ADAMTS6: variants seen among roughly 807,000 people sequenced by gnomAD.
The protein encoded by ADAMTS6 is A disintegrin and metalloproteinase with thrombospondin motifs 6.
A neutral mutation model predicts 144.3 loss-of-function variants in ADAMTS6; 23 were observed. That is an observed-to-expected ratio of 0.16 (90% confidence interval 0.11 to 0.23). ADAMTS6 has a LOEUF of 0.23. Among genes scored for constraint, ADAMTS6 ranks in the 10% least tolerant of loss-of-function variants. The pLI is 1.00. For missense variants in ADAMTS6, 999 were observed against 1,379.6 expected (o/e 0.72, Z 4.37); for synonymous variants, 444 against 457.5 (o/e 0.97, Z 0.38).
intron 3 of ADAMTS6, among the ~76,000 whole-genome samples, chr5:65,463,004 T>A (rs1481861824): frequency 6.7e-6 from 1 of 150,078 alleles, no homozygotes; most frequent in Non-Finnish European, 1.5e-5. Context: ...CACTCGAACC[T>A]GGGAGGCGGA....
chr5:65,432,576 G>A (rs754609949), intron 7 of ADAMTS6, among the ~76,000 whole-genome samples: 22 of 151,746 alleles, frequency 1.4e-4, no homozygotes, highest in Admixed American at 2.6e-4. Flanking sequence ...AACATTTTTC[G>A]AATCTGATCA....
intron 7 of ADAMTS6, among the ~76,000 whole-genome samples, chr5:65,400,276 C>T (rs1753806436): frequency 6.6e-6 from 1 of 152,138 alleles, no homozygotes. Flanking sequence ...GATCATAGCT[C>T]ACTGCAGCCT....
chr5:65,398,728 A>G (rs984571676), intron 7 of ADAMTS6, among the ~76,000 whole-genome samples: 11 of 149,660 alleles, frequency 7.3e-5, no homozygotes, highest in African/African-American at 2.8e-4. Flanking sequence ...AGAAAGAGAG[A>G]GAGAGAGAAA....
Position 65,197,105 on chromosome 5 carries a change from G to A in ADAMTS6, c.2622C>T (p.Ser874=), listed in dbSNP as rs1319096371. 2.5e-6 allele frequency: 4 copies of A among 1,613,894 alleles called. No homozygotes were observed. In the South Asian group the frequency reaches 3.3e-5, roughly 13 times the overall value. ...EVVCKRLDDN[S]IVQNNYCDPD... ...GATCACAGTAATTGTTCTGGACAAT[G>A]GAGTTGTCATCCAACCTTTTACAGA... Residue 874 remains serine, a synonymous_variant, in exon 21 of 25, where the codon TCC becomes TCT. Coordinates refer to ENST00000381055, the MANE Select transcript of ADAMTS6 (RefSeq NM_197941.4).
rs952487783 is a variant in ADAMTS6 at position 65,255,748 on chromosome 5, TA to T, written c.1830+4851del. On this transcript the variant is annotated intron_variant, in intron 14 of 24. Transcript: ENST00000381055. ...AGTTCTTTGCTAATTTTTAAATGAT[TA>T]AAAAAAAAATCTTACTGAGCAATTA... Among the ~76,000 whole-genome samples, 889 of 150,216 alleles carry T rather than the reference TA, an allele frequency of 5.9e-3. 10 individuals carry two copies. The highest frequency in any genetic ancestry group is 0.019 in the African/African-American group (796 of 41,034).
chr5:65,199,585 C>T (rs74448621), intron 20 of ADAMTS6, among the ~76,000 whole-genome samples: 4,816 of 152,202 alleles, frequency 0.032, 287 homozygotes, highest in African/African-American at 0.11. Flanking sequence ...AAAACTGACC[C>T]ATAGTCCAAT....
In ADAMTS6 at chr5:65,302,105, A is replaced by AT. The variant is rs1263220399; in HGVS notation, c.1224-1975_1224-1974insA. 3.7e-3 allele frequency among the ~76,000 whole-genome samples: 184 copies of AT among 49,656 alleles called. 1 individual carries two copies. The highest frequency in any genetic ancestry group is 0.012 in the African/African-American group (177 of 14,438). The allele number at this position is 49,656 out of a possible 152,430, so 32.6% of individuals were successfully genotyped here. ...AGGCTCTGTCTCCAAAAAAAAAAAA[A>AT]AAATATATATATATATATATATATG... On this transcript the variant is annotated intron_variant, in intron 9 of 24. Coordinates refer to ENST00000381055, the MANE Select transcript of ADAMTS6 (RefSeq NM_197941.4).
intron 16 of ADAMTS6, 86 bp downstream of exon 16, chr5:65,226,000 A>T: frequency 7.3e-7 from 1 of 1,369,972 alleles, no homozygotes; most frequent in Non-Finnish European, 9.6e-7. Context: ...TTTTTTAAAA[A>T]ATTAAACATA....
intron 4 of ADAMTS6, among the ~76,000 whole-genome samples, chr5:65,457,846 C>T: frequency 6.7e-6 from 1 of 149,838 alleles, no homozygotes. Flanking sequence ...CCTGCCTCAG[C>T]CTCCCGAGTA....
In ADAMTS6 at chr5:65,149,426, C is replaced by G. The variant is rs1285625995; in HGVS notation, c.*2410G>C. 1.3e-5 allele frequency: 2 copies of G among 152,216 alleles called. No homozygotes were observed. The highest frequency in any genetic ancestry group is 4.8e-5 in the African/African-American group (2 of 41,436). 9.4% of individuals were successfully genotyped at this position (152,216 alleles called of 1,614,324 possible). On this transcript the variant is annotated 3_prime_UTR_variant, in exon 25 of 25. Transcript: ENST00000381055. ...CTGTTTCATCCTGTTACATTCTGTGCGTGGCTCCCTCTAGAAAGGCACTCT... is the reference window on the plus strand; with the variant it reads ...CTGTTTCATCCTGTTACATTCTGTGGGTGGCTCCCTCTAGAAAGGCACTCT...
At chr5:65,245,076 C>T (rs1033792510) in intron 14 of ADAMTS6, among the ~76,000 whole-genome samples, 3 of 152,082 alleles carry the variant, frequency 2.0e-5, no homozygotes, top group South Asian at 2.1e-4. Context: ...GGGTAATACT[C>T]GTATTTACTT....
intron 9 of ADAMTS6, among the ~76,000 whole-genome samples, chr5:65,301,450 T>C (rs931198356): frequency 6.6e-6 from 1 of 152,190 alleles, no homozygotes; most frequent in Non-Finnish European, 1.5e-5. Context: ...AATAGGTAAG[T>C]ACAAGATAAT....
Position 65,151,702 on chromosome 5 carries a change from G to C in ADAMTS6, c.*134C>G. Reference sequence around the variant, plus strand: ...ATAATATTGAAATTTTGTCAGCTAGGGCTGACCAGTGGTTACGTTTTCCAC... The same window carrying C: ...ATAATATTGAAATTTTGTCAGCTAGCGCTGACCAGTGGTTACGTTTTCCAC... On this transcript the variant is annotated 3_prime_UTR_variant, in exon 25 of 25. Coordinates refer to ENST00000381055, the MANE Select transcript of ADAMTS6 (RefSeq NM_197941.4). 1.4e-6 allele frequency: 1 copy of C among 698,120 alleles called. No homozygotes were observed. The highest frequency in any genetic ancestry group is 2.1e-5 in the South Asian group (1 of 46,646). 43.2% of individuals were successfully genotyped at this position (698,120 alleles called of 1,614,324 possible). A position where few individuals can be genotyped will look rare whatever the true frequency, so the allele number is the denominator to read the frequency against.
At position 65,170,866 on chromosome 5, in the gene ADAMTS6, T is replaced by G. The variant is rs370334250; in HGVS notation, c.3088-93A>C. The G allele has an allele frequency of 1.7e-5, 24 of 1,378,180 alleles. No individual in the cohort carries two copies. In the South Asian group the frequency reaches 3.0e-4, roughly 17 times the overall value. The allele number at this position is 1,378,180 out of a possible 1,614,324, so 85.4% of individuals were successfully genotyped here. ...ATGTCATTTCAAATACAACACAATA[T>G]GAACTTTTTTTTTTTTCTTTTGAGA... On this transcript the variant is annotated intron_variant, in intron 23 of 24. Coordinates refer to ENST00000381055, the MANE Select transcript of ADAMTS6 (RefSeq NM_197941.4).
chr5:65,150,996 A>G lies in ADAMTS6; in HGVS notation c.*840T>C, dbSNP rs991322215. ...CAAAGGGCCTGGTCCTTTGGTCTGT[A>G]CCATACCCCAGGTCTGGTTTCTGCA... On this transcript the variant is annotated 3_prime_UTR_variant, in exon 25 of 25. Coordinates refer to ENST00000381055, the MANE Select transcript of ADAMTS6 (RefSeq NM_197941.4). The G allele has an allele frequency of 2.6e-5, 4 of 152,656 alleles. No homozygotes were observed. The highest frequency in any genetic ancestry group is 5.9e-5 in the Non-Finnish European group (4 of 68,056). 9.5% of individuals were successfully genotyped at this position (152,656 alleles called of 1,614,324 possible).
intron 7 of ADAMTS6, among the ~76,000 whole-genome samples, chr5:65,389,636 C>T (rs1752749578): frequency 6.6e-6 from 1 of 150,528 alleles, no homozygotes; most frequent in Non-Finnish European, 1.5e-5. Context: ...CTAGCCAAAG[C>T]CAGCTGTTAG....
intron 7 of ADAMTS6, among the ~76,000 whole-genome samples, chr5:65,402,151 G>A (rs566712817): frequency 5.3e-5 from 8 of 152,038 alleles, no homozygotes; most frequent in East Asian, 3.9e-4. Context: ...GTTCCTCACC[G>A]TCTTCACATA....
intron 7 of ADAMTS6, among the ~76,000 whole-genome samples, chr5:65,403,692 C>T (rs567653808): frequency 6.6e-6 from 1 of 152,080 alleles, no homozygotes; most frequent in South Asian, 2.1e-4. Flanking sequence ...AACAAGTTAC[C>T]ATGTAAAATA....
Position 65,262,899 on chromosome 5 carries a change from C to A in ADAMTS6, c.1684G>T (p.Gly562Cys). ...TWPQSIDGGW[G>C]PWSLWGECSR... ...CACTCTCCCCATAGTGACCAGGGAC[C>A]CCAGCCCCCATCTATGCTCTGGGGC... The change falls in exon 13 of 25, where the codon GGT (glycine) becomes TGT (cysteine). Residue 562 changes from glycine to cysteine, a missense_variant. By Grantham distance (159) the Gly-to-Cys change is radical (BLOSUM62 -3). Coordinates refer to ENST00000381055, the MANE Select transcript of ADAMTS6 (RefSeq NM_197941.4). The A allele has an allele frequency of 1.9e-6, 3 of 1,613,040 alleles. No homozygotes were observed. The highest frequency in any genetic ancestry group is 2.5e-6 in the Non-Finnish European group (3 of 1,179,540).
Sources: gnomAD v4.1 joint callset for allele counts (sites outside exome capture counted in the v4.1 genomes callset) on GRCh38, gnomAD v4.1.1 for gene constraint, MANE v1.5 for transcripts, NCBI Gene and HGNC (gene_info 2026-07-23, HGNC 2026-07-21) for gene names.